USP34: variants seen among roughly 807,000 people sequenced by gnomAD.
USP34 encodes ubiquitin specific peptidase 34.
Under a neutral mutation model 460.3 loss-of-function variants are expected in USP34, and 70 were observed. That is an observed-to-expected ratio of 0.15 (90% CI 0.13 to 0.19). The LOEUF (loss-of-function observed/expected upper bound fraction) is 0.19. Ranked by LOEUF, USP34 falls within the 10% of genes least tolerant of loss-of-function variation. The pLI is 1.00. For synonymous variants in USP34, 1,647 were observed against 1,405.3 expected (o/e 1.17, Z -3.85); for missense variants, 3,985 against 4,236.2 (o/e 0.94, Z 1.65).
intron 1 of USP34, among the ~76,000 whole-genome samples, chr2:61,427,333 T>C (rs1023614486): frequency 5.3e-5 from 8 of 152,164 alleles, no homozygotes; most frequent in Non-Finnish European, 1.2e-4. Context: ...CGGCCCCAAG[T>C]TCTTTCAAAT....
At chr2:61,390,582 T>C (rs1428251223) in intron 5 of USP34, among the ~76,000 whole-genome samples, 1 of 152,178 alleles carries the variant, frequency 6.6e-6, no homozygotes, top group Non-Finnish European at 1.5e-5. Context: ...AACTGAGAAA[T>C]CTCCTAAAAC....
intron 1 of USP34, among the ~76,000 whole-genome samples, chr2:61,457,585 G>C (rs551945853): frequency 1.3e-5 from 2 of 152,166 alleles, no homozygotes; most frequent in South Asian, 2.1e-4. Context: ...GTAAAGTGTT[G>C]TGTGTGGTGC....
chr2:61,255,831 C>T (rs1187031629), intron 48 of USP34, among the ~76,000 whole-genome samples: 3 of 152,186 alleles, frequency 2.0e-5, no homozygotes, highest in Admixed American at 1.3e-4. Context: ...ATTACATGGG[C>T]TGTCATAGTA....
At chr2:61,290,785 C>G (rs535539308) in intron 33 of USP34, among the ~76,000 whole-genome samples, 1 of 152,158 alleles carries the variant, frequency 6.6e-6, no homozygotes, top group East Asian at 1.9e-4. Flanking sequence ...ATACTGCAAC[C>G]TCACATCATA....
Position 61,259,792 on chromosome 2 carries a change from A to C in USP34, c.5779-16T>G. 1 of 1,610,918 alleles carries C rather than the reference A, an allele frequency of 6.2e-7. No homozygotes were observed. The highest frequency in any genetic ancestry group is 8.5e-7 in the Non-Finnish European group (1 of 1,179,096). ...CCTCTGAATACTGAAAATCAAGAGA[A>C]AACACCATTAAAAACACAGACATGA... is the stretch of plus-strand genomic sequence containing the variant. On this transcript the variant is annotated splice_polypyrimidine_tract_variant and intron_variant, in intron 43 of 79. Coordinates refer to ENST00000398571, the MANE Select transcript of USP34 (RefSeq NM_014709.4).
chr2:61,358,859 A>C (rs1692186792), intron 10 of USP34, among the ~76,000 whole-genome samples: 1 of 152,184 alleles, frequency 6.6e-6, no homozygotes. Context: ...AAAGTAACAC[A>C]ATTTTCAAAA....
intron 10 of USP34, among the ~76,000 whole-genome samples, chr2:61,358,756 C>G (rs1558548289): frequency 6.6e-6 from 1 of 152,074 alleles, no homozygotes; most frequent in Non-Finnish European, 1.5e-5. Flanking sequence ...AGCTGAGAAG[C>G]AAATTCACCA....
chr2:61,443,842 G>A (rs541044992), intron 1 of USP34, among the ~76,000 whole-genome samples: 1 of 152,178 alleles, frequency 6.6e-6, no homozygotes, highest in Non-Finnish European at 1.5e-5. Flanking sequence ...GATTCACCAA[G>A]TGTAACAAAT....
intron 2 of USP34, among the ~76,000 whole-genome samples, chr2:61,409,505 G>A (rs1159225781): frequency 6.6e-6 from 1 of 152,148 alleles, no homozygotes; most frequent in Non-Finnish European, 1.5e-5. Flanking sequence ...CTTGAGGTCA[G>A]GAGTTCGAGA....
At chr2:61,328,129 C>T (rs1691151031) in intron 20 of USP34, among the ~76,000 whole-genome samples, 1 of 151,884 alleles carries the variant, frequency 6.6e-6, no homozygotes, top group African/African-American at 2.4e-5. Flanking sequence ...ATGGCGAAAC[C>T]TTGTCTCTAC....
At chr2:61,426,233 CT>C (rs1694508195) in intron 1 of USP34, among the ~76,000 whole-genome samples, 1 of 152,130 alleles carries the variant, frequency 6.6e-6, no homozygotes, top group Admixed American at 6.6e-5. Flanking sequence ...GTAAAGAGAA[CT>C]TTGTCTTACA....
intron 76 of USP34, 50 bp from the exon 77 acceptor site, chr2:61,190,708 A>T: frequency 1.9e-6 from 3 of 1,558,200 alleles, no homozygotes; most frequent in Non-Finnish European, 2.6e-6. Flanking sequence ...CACGGAAAAA[A>T]CTTACACGGA....
At chr2:61,322,062 C>T (rs1037458740) in intron 21 of USP34, among the ~76,000 whole-genome samples, 5 of 152,076 alleles carry the variant, frequency 3.3e-5, no homozygotes, top group African/African-American at 1.2e-4. Context: ...AACCCCATCT[C>T]TACTAAAAAT....
At chr2:61,406,534 A>G (rs1250984839) in intron 2 of USP34, among the ~76,000 whole-genome samples, 3 of 152,110 alleles carry the variant, frequency 2.0e-5, no homozygotes, top group African/African-American at 4.8e-5. Flanking sequence ...TTTGTTGTCA[A>G]CTAATAAAAC....
At chr2:61,248,066 G>T (rs1013929344) in intron 49 of USP34, among the ~76,000 whole-genome samples, 17 of 151,582 alleles carry the variant, frequency 1.1e-4, no homozygotes, top group Non-Finnish European at 2.4e-4. Context: ...GCGTGCCTAT[G>T]GTCCCAGCTT....
intron 39 of USP34, among the ~76,000 whole-genome samples, chr2:61,279,727 GT>G (rs1689479364): frequency 6.6e-6 from 1 of 152,190 alleles, no homozygotes; most frequent in South Asian, 2.1e-4. Flanking sequence ...GCCTCCCAAA[GT>G]GCTGGGATTA....
At chr2:61,332,173 G>A (rs1691290258) in intron 19 of USP34, among the ~76,000 whole-genome samples, 1 of 151,994 alleles carries the variant, frequency 6.6e-6, no homozygotes, top group African/African-American at 2.4e-5. Flanking sequence ...AAGTCTGTTT[G>A]CTTGAAGGTT....
At chr2:61,408,242 C>T (rs1417293179) in intron 2 of USP34, among the ~76,000 whole-genome samples, 1 of 152,104 alleles carries the variant, frequency 6.6e-6, no homozygotes, top group Non-Finnish European at 1.5e-5. Flanking sequence ...TGGCCAACAC[C>T]TTGACTAAAA....
rs866547962 is a variant in USP34 at position 61,232,503 on chromosome 2, G to T, written c.7062C>A (p.Asp2354Glu). Residue 2354 changes from aspartate (D) to glutamate (E), a missense_variant, in exon 58 of 80, where the codon GAC becomes GAA. By Grantham distance (45) the Asp-to-Glu change is conservative. Coordinates refer to ENST00000398571, the MANE Select transcript of USP34 (RefSeq NM_014709.4). ...EWFLDRMADD[D>E]WWPMQILIKC... ...TAATTAGTATCTGCATTGGCCACCA[G>T]TCGTCATCAGCCATACGATCTAAAA... The T allele has an allele frequency of 2.5e-6, 4 of 1,610,562 alleles. No individual in the cohort carries two copies. In the Middle Eastern group the frequency reaches 6.6e-4, roughly 266 times the overall value.
Sources: gnomAD v4.1 joint callset for allele counts (sites outside exome capture counted in the v4.1 genomes callset) on GRCh38, gnomAD v4.1.1 for gene constraint, MANE v1.5 for transcripts, NCBI Gene and HGNC (gene_info 2026-07-23, HGNC 2026-07-21) for gene names.